Variants in ANK3 observed in about 807,000 individuals in gnomAD.
ANK3 encodes the protein ankyrin 3.
ANK3 carries 57 observed loss-of-function variants against 370.9 expected under a neutral mutation model. The ratio of observed to expected loss-of-function variants is 0.15; its 90% CI spans 0.12 to 0.19. The LOEUF is 0.19. ANK3 is among the 10% of genes least tolerant of loss of function. ANK3 has a pLI of 1.00. For synonymous variants in ANK3, 1,929 were observed against 1,946.3 expected, an observed-to-expected ratio of 0.99 and a Z score of 0.23; for missense variants, 4,439 against 5,302.1, an observed-to-expected ratio of 0.84 and a Z score of 5.06.
At chr10:60,090,592 T>C (rs1031168903) in intron 28 of ANK3, among the ~76,000 whole-genome samples, 2 of 152,134 alleles carry the variant, frequency 1.3e-5, no homozygotes, top group African/African-American at 2.4e-5. Context: ...GATAAGTCAA[T>C]AGATGATAGC....
chr10:60,659,891 A>G (rs773396351), intron 1 of ANK3, among the ~76,000 whole-genome samples: 25 of 152,132 alleles, frequency 1.6e-4, no homozygotes, highest in Non-Finnish European at 3.5e-4. Flanking sequence ...TGAAACAAAT[A>G]AGATAAAATA....
chr10:60,635,351 C>T (rs987760399), intron 1 of ANK3, among the ~76,000 whole-genome samples: 14 of 151,896 alleles, frequency 9.2e-5, no homozygotes, highest in African/African-American at 3.1e-4. Context: ...AGTCCCAGCC[C>T]GGCATGAATC....
At chr10:60,397,753 A>G (rs1326746765) in intron 2 of ANK3, among the ~76,000 whole-genome samples, 1 of 152,194 alleles carries the variant, frequency 6.6e-6, no homozygotes, top group African/African-American at 2.4e-5. Flanking sequence ...CTTCCATTAG[A>G]TCATGCCAAT....
At position 60,465,677 on chromosome 10, in the gene ANK3, A is replaced by G. The variant is rs538355358; in HGVS notation, c.96+149509T>C. ...TTCTTCCCTTTGTTAGAAGCCAGGG[A>G]CATCTTCTCAAATGATTTCCGAAAT... On this transcript the variant is annotated intron_variant, in intron 2 of 43. Transcript: ENST00000373827. 3.3e-5 allele frequency among the ~76,000 whole-genome samples: 5 copies of G among 152,280 alleles called. No individual in the cohort carries two copies. The East Asian group carries it at 9.7e-4, about 29-fold the overall frequency.
chr10:60,597,213 C>T (rs1230481979), intron 2 of ANK3, among the ~76,000 whole-genome samples: 1 of 152,048 alleles, frequency 6.6e-6, no homozygotes, highest in Non-Finnish European at 1.5e-5. Context: ...CAATATTTAG[C>T]CAGAGGAATC....
At chr10:60,547,404 TTTTC>T (rs1329608463) in intron 2 of ANK3, among the ~76,000 whole-genome samples, 5 of 151,850 alleles carry the variant, frequency 3.3e-5, no homozygotes, top group Middle Eastern at 3.2e-3. Context: ...TTCTTTTTTC[TTTTC>T]TTTGTTTTTT....
At chr10:60,694,676 A>C (rs1589039133) in intron 1 of ANK3, among the ~76,000 whole-genome samples, 1 of 152,122 alleles carries the variant, frequency 6.6e-6, no homozygotes, top group South Asian at 2.1e-4. Context: ...GAGATAAAAT[A>C]CTTTACAGAC....
At chr10:60,177,741 G>A (rs1247343846) in intron 18 of ANK3, among the ~76,000 whole-genome samples, 2 of 151,876 alleles carry the variant, frequency 1.3e-5, no homozygotes, top group Non-Finnish European at 2.9e-5. Flanking sequence ...GGGACTACAG[G>A]CACCCGCCAC....
chr10:60,296,064 T>G (rs2042430629), intron 1 of ANK3, among the ~76,000 whole-genome samples: 1 of 152,178 alleles, frequency 6.6e-6, no homozygotes, highest in Admixed American at 6.5e-5. Context: ...AAGGCAAGAC[T>G]GAGCAGGAAG....
chr10:60,662,287 C>T (rs992260587), intron 1 of ANK3, among the ~76,000 whole-genome samples: 6 of 152,154 alleles, frequency 3.9e-5, no homozygotes, highest in African/African-American at 1.2e-4. Context: ...TGATCTGAAA[C>T]ATAGTATGTG....
At chr10:60,137,618 T>C (rs944346149) in intron 24 of ANK3, among the ~76,000 whole-genome samples, 7 of 152,012 alleles carry the variant, frequency 4.6e-5, no homozygotes, top group Admixed American at 2.6e-4. Context: ...GAGTTACATA[T>C]AATAGCAACA....
At chr10:60,625,997 T>G (rs2078405057) in intron 1 of ANK3, among the ~76,000 whole-genome samples, 1 of 151,910 alleles carries the variant, frequency 6.6e-6, no homozygotes, top group African/African-American at 2.4e-5. Flanking sequence ...TAAGGGTTCT[T>G]ATATTTCTTT....
intron 1 of ANK3, among the ~76,000 whole-genome samples, chr10:60,359,158 A>C (rs1040133094): frequency 6.6e-6 from 1 of 152,130 alleles, no homozygotes; most frequent in Non-Finnish European, 1.5e-5. Context: ...GGAGGTGCTC[A>C]AGGAATGCCT....
At chr10:60,564,770 C>G (rs10509133) in intron 2 of ANK3, among the ~76,000 whole-genome samples, 2 of 151,986 alleles carry the variant, frequency 1.3e-5, no homozygotes, top group East Asian at 3.9e-4. Flanking sequence ...GATACAGTTA[C>G]GAAGTCTACC....
At chr10:60,271,351 T>G (rs2097980345) in intron 4 of ANK3, among the ~76,000 whole-genome samples, 1 of 151,976 alleles carries the variant, frequency 6.6e-6, no homozygotes, top group South Asian at 2.1e-4. Context: ...GCTACAGGCA[T>G]GCACCGCCAC....
chr10:60,071,251 C>G lies in ANK3; in HGVS notation c.9630G>C (p.Glu3210Asp). 1 of 1,614,090 alleles carries G rather than the reference C, an allele frequency of 6.2e-7. No individual in the cohort carries two copies. Among genetic ancestry groups the G allele is most frequent in the Non-Finnish European group, 8.5e-7 (1 of 1,180,006 alleles). The part of the protein sequence containing the change: ...IPEVSEESEE[E>D]EQAKSTSLKQ... ...TAAGGGAGGTTGACTTGGCCTGTTC[C>G]TCCTCCTCTGACTCCTCAGAAACCT... is the stretch of plus-strand genomic sequence containing the variant. The change falls in exon 37 of 44, where the codon GAG (glutamate) becomes GAC (aspartate). Residue 3210 changes from glutamate to aspartate, a missense_variant. Coordinates refer to ENST00000280772, the MANE Select transcript of ANK3 (RefSeq NM_020987.5).
At chr10:60,135,456 C>T (rs537794449) in intron 24 of ANK3, among the ~76,000 whole-genome samples, 5 of 152,334 alleles carry the variant, frequency 3.3e-5, no homozygotes, top group South Asian at 2.1e-4. Flanking sequence ...ATTGGCTCCT[C>T]GGCAATGGGG....
At chr10:60,119,402 T>C (rs2093326202) in intron 25 of ANK3, among the ~76,000 whole-genome samples, 1 of 152,244 alleles carries the variant, frequency 6.6e-6, no homozygotes, top group African/African-American at 2.4e-5. Flanking sequence ...CATGTTACTG[T>C]GCATAGCACC....
At chr10:60,338,577 G>A (rs1298808726) in intron 1 of ANK3, among the ~76,000 whole-genome samples, 1 of 152,158 alleles carries the variant, frequency 6.6e-6, no homozygotes, top group Non-Finnish European at 1.5e-5. Flanking sequence ...CATGTATTGG[G>A]CAATGGAAAT....
Sources: allele counts gnomAD v4.1 joint callset (sites outside exome capture counted in the v4.1 genomes callset), GRCh38; gene constraint gnomAD v4.1.1; transcripts MANE v1.5; gene names NCBI Gene and HGNC (gene_info 2026-07-23, HGNC 2026-07-21).